Variants in FRMD4A observed in about 807,000 individuals in gnomAD.
FRMD4A encodes FERM domain-containing protein 4A.
FRMD4A carries 29 observed loss-of-function variants against 129.1 expected under a neutral mutation model. The observed-to-expected ratio is 0.22, with a 90% CI of 0.17 to 0.31. The LOEUF is 0.31. Ranked by LOEUF, FRMD4A falls within the 10% of genes least tolerant of loss-of-function variation. FRMD4A has a pLI of 1.00. For missense variants in FRMD4A, 1,272 were observed against 1,375.8 expected, an observed-to-expected ratio of 0.92 and a Z score of 1.19; for synonymous variants, 634 against 571.6, an observed-to-expected ratio of 1.11 and a Z score of -1.56.
At chr10:13,801,396 C>T (rs2093251097) in intron 4 of FRMD4A, among the ~76,000 whole-genome samples, 1 of 152,246 alleles carries the variant, frequency 6.6e-6, no homozygotes, top group Non-Finnish European at 1.5e-5. Context: ...CCTGCTTGAA[C>T]TCGTCCACTC....
At chr10:13,995,953 T>C (rs1457105991) in intron 2 of FRMD4A, among the ~76,000 whole-genome samples, 1 of 152,160 alleles carries the variant, frequency 6.6e-6, no homozygotes, top group Non-Finnish European at 1.5e-5. Flanking sequence ...AGCCTCTCCA[T>C]GCTGCTATAA....
intron 3 of FRMD4A, among the ~76,000 whole-genome samples, chr10:13,822,944 G>A (rs2093650760): frequency 6.6e-6 from 1 of 152,054 alleles, no homozygotes; most frequent in African/African-American, 2.4e-5. Flanking sequence ...AGGTCTCCCT[G>A]GGAGCAATGC....
intron 2 of FRMD4A, among the ~76,000 whole-genome samples, chr10:14,059,947 A>G (rs1374585678): frequency 1.3e-5 from 2 of 152,206 alleles, no homozygotes; most frequent in Non-Finnish European, 2.9e-5. Flanking sequence ...ACACCATTTT[A>G]TAGAAAAGGA....
intron 2 of FRMD4A, among the ~76,000 whole-genome samples, chr10:13,890,108 A>T (rs1299787312): frequency 6.6e-6 from 1 of 152,240 alleles, no homozygotes; most frequent in Non-Finnish European, 1.5e-5. Context: ...TTGAGAACCA[A>T]ACCAGATTTC....
intron 2 of FRMD4A, among the ~76,000 whole-genome samples, chr10:13,938,146 T>C (rs1195312677): frequency 3.3e-5 from 5 of 152,252 alleles, no homozygotes; most frequent in Non-Finnish European, 7.3e-5. Flanking sequence ...TAGAATAGCA[T>C]TGAATGCATT....
chr10:14,018,455 CAAAAAAAAAAAAAAAA>C (rs71388151), intron 2 of FRMD4A, among the ~76,000 whole-genome samples: 1 of 59,250 alleles, frequency 1.7e-5, no homozygotes, highest in East Asian at 6.7e-4. Context: ...GACTCCATCT[CAAAAAAAAAAAAAAAA>C]AAAAAAAAAT....
chr10:14,097,482 T>C (rs1349864566), intron 2 of FRMD4A, among the ~76,000 whole-genome samples: 1 of 152,308 alleles, frequency 6.6e-6, no homozygotes, highest in Non-Finnish European at 1.5e-5. Context: ...ATTTTCACAA[T>C]GTTCTTTAAG....
chr10:13,718,169 G>C (rs538697971), intron 12 of FRMD4A, among the ~76,000 whole-genome samples: 7 of 152,318 alleles, frequency 4.6e-5, no homozygotes, highest in Admixed American at 2.0e-4. Flanking sequence ...CAGAAGCGAG[G>C]CAGATTGCTT....
chr10:14,326,799 A>C (rs1843294550), intron 2 of FRMD4A: 1 of 398,460 alleles, frequency 2.5e-6, no homozygotes. Flanking sequence ...CCCGCTCTAC[A>C]ATTAGTCACA....
At chr10:14,263,992 A>G (rs1275269652) in intron 2 of FRMD4A, among the ~76,000 whole-genome samples, 1 of 152,226 alleles carries the variant, frequency 6.6e-6, no homozygotes, top group Non-Finnish European at 1.5e-5. Flanking sequence ...TGCACCAACC[A>G]CAAAGAGCTG....
rs376792456 is a variant in FRMD4A, at chr10:13,911,696, G to A, written c.46-52784C>T. Among the ~76,000 whole-genome samples, 16 of 152,232 alleles carry A rather than the reference G, an allele frequency of 1.1e-4. No homozygotes were observed. In the South Asian group the frequency reaches 3.3e-3, roughly 32 times the overall value. ...CATGCCTCAGCCTCCTGAGTAGCTG[G>A]GACTACAGGCACGTGCCACCTCGCC... On this transcript the variant is annotated intron_variant, in intron 2 of 24. Transcript: ENST00000357447.
intron 2 of FRMD4A, among the ~76,000 whole-genome samples, chr10:14,169,501 C>T (rs560917380): frequency 4.7e-4 from 71 of 152,238 alleles, no homozygotes; most frequent in African/African-American, 1.6e-3. Flanking sequence ...GGAGATCTCC[C>T]TGTCTTTCTG....
intron 17 of FRMD4A, among the ~76,000 whole-genome samples, chr10:13,670,032 C>T (rs1036049595): frequency 2.0e-5 from 3 of 152,178 alleles, no homozygotes; most frequent in Non-Finnish European, 4.4e-5. Context: ...TTCCTTCTCT[C>T]GGCAGCTTTT....
rs184410185 is a variant in FRMD4A, at chr10:14,217,208, A to T, written c.45+112850T>A. On this transcript the variant is annotated intron_variant, in intron 2 of 24. Coordinates refer to ENST00000357447, the MANE Select transcript of FRMD4A (RefSeq NM_018027.5). ...AAGGTGTCAAATAAAATTGTCCCAA[A>T]CATCAATCCCTAGGGAGCCCATGAT... 8.7e-4 allele frequency among the ~76,000 whole-genome samples: 132 copies of T among 152,334 alleles called. 1 individual carries two copies. In the South Asian group the frequency reaches 9.5e-3, roughly 11 times the overall value.
At chr10:14,067,317 C>A (rs1286346219) in intron 2 of FRMD4A, among the ~76,000 whole-genome samples, 5 of 149,242 alleles carry the variant, frequency 3.4e-5, no homozygotes, top group Non-Finnish European at 5.9e-5. Flanking sequence ...GACTCCCTCT[C>A]AAAAAAAAAT....
chr10:14,090,629 G>A (rs1353019217), intron 2 of FRMD4A, among the ~76,000 whole-genome samples: 1 of 152,106 alleles, frequency 6.6e-6, no homozygotes, highest in African/African-American at 2.4e-5. Context: ...CTCAGTTAAC[G>A]TTGGAACCAT....
chr10:13,702,737 C>G (rs11258539), intron 13 of FRMD4A, among the ~76,000 whole-genome samples: 39 of 151,738 alleles, frequency 2.6e-4, no homozygotes, highest in African/African-American at 8.7e-4. Flanking sequence ...GGCTAATTTT[C>G]CCTTAAAGAA....
intron 3 of FRMD4A, among the ~76,000 whole-genome samples, chr10:13,817,192 A>G (rs988168649): frequency 2.0e-5 from 3 of 152,244 alleles, no homozygotes; most frequent in African/African-American, 7.2e-5. Context: ...GGCTTCAGCC[A>G]TGTGCTTTAG....
At chr10:13,870,539 G>A (rs2094427539) in intron 2 of FRMD4A, among the ~76,000 whole-genome samples, 1 of 152,204 alleles carries the variant, frequency 6.6e-6, no homozygotes, top group Non-Finnish European at 1.5e-5. Context: ...TCAGCCCGGT[G>A]CTGGGGACAC....
Sources: allele counts gnomAD v4.1 joint callset (sites outside exome capture counted in the v4.1 genomes callset), GRCh38; gene constraint gnomAD v4.1.1; transcripts MANE v1.5; gene names NCBI Gene and HGNC (gene_info 2026-07-23, HGNC 2026-07-21).